The following SPATA7 variants were observed in gnomAD, a reference collection of about 807,000 sequenced individuals.
SPATA7 encodes the protein spermatogenesis associated 7, also known as spermatogenesis-associated protein 7.
SPATA7 carries 43 observed loss-of-function variants against 51.8 expected under a neutral mutation model. The observed-to-expected ratio is 0.83, with a 90% CI of 0.65 to 1.07. The LOEUF (loss-of-function observed/expected upper bound fraction) is 1.07. SPATA7 is among the 50% of genes least tolerant of loss of function. The pLI, the probability that SPATA7 is intolerant of heterozygous loss-of-function variation, is 0.00. For synonymous variants in SPATA7, 230 were observed against 252.8 expected, an observed-to-expected ratio of 0.91 and a Z score of 0.86; for missense variants, 683 against 701.3, an observed-to-expected ratio of 0.97 and a Z score of 0.30.
intron 4 of SPATA7, among the ~76,000 whole-genome samples, chr14:88,412,588 A>T (rs2076373395): frequency 6.6e-6 from 1 of 152,134 alleles, no homozygotes; most frequent in Non-Finnish European, 1.5e-5. Context: ...CACTGACTCA[A>T]ATGTTAATCT....
intron 1 of SPATA7, among the ~76,000 whole-genome samples, chr14:88,391,076 T>C (rs1316490626): frequency 6.6e-6 from 1 of 152,232 alleles, no homozygotes; most frequent in Non-Finnish European, 1.5e-5. Flanking sequence ...ATATATCTTC[T>C]AGACTTTCTA....
chr14:88,448,455 T>G (rs1321400973), intron 3 of SPATA7, among the ~76,000 whole-genome samples: 13 of 152,188 alleles, frequency 8.5e-5, no homozygotes, highest in Non-Finnish European at 1.5e-5. Flanking sequence ...TCGGAGTAAT[T>G]TGATCGTCTG....
chr14:88,417,828 C>T (rs1252060603), intron 5 of SPATA7, among the ~76,000 whole-genome samples: 1 of 152,062 alleles, frequency 6.6e-6, no homozygotes, highest in Non-Finnish European at 1.5e-5. Context: ...TTATGCTATC[C>T]TCATAAAATA....
At chr14:88,404,515 G>A (rs1440911659) in intron 4 of SPATA7, among the ~76,000 whole-genome samples, 8 of 152,106 alleles carry the variant, frequency 5.3e-5, no homozygotes, top group African/African-American at 1.4e-4. Flanking sequence ...TCATGAGTTC[G>A]AGACCAGCCT....
chr14:88,404,867 T>A (rs1313238786), intron 4 of SPATA7, among the ~76,000 whole-genome samples: 2 of 152,222 alleles, frequency 1.3e-5, no homozygotes, highest in East Asian at 3.8e-4. Flanking sequence ...TGCTAGACAT[T>A]GTTCTAAGGG....
At chr14:88,401,737 T>C (rs1323572255) in intron 4 of SPATA7, among the ~76,000 whole-genome samples, 5 of 148,542 alleles carry the variant, frequency 3.4e-5, no homozygotes, top group African/African-American at 1.2e-4. Flanking sequence ...CATTGGAGGC[T>C]GAGGCAGTAG....
chr14:88,458,026 C>T (rs528083945), downstream of SPATA7, among the ~76,000 whole-genome samples: 5,461 of 151,674 alleles, frequency 0.036, 319 homozygotes, highest in African/African-American at 0.13. Flanking sequence ...TGCTGGATTA[C>T]ATTTATTGAT....
rs1277649248 is a variant in SPATA7, at chr14:88,469,776, T to C, written c.255-71T>C. The stretch of plus-strand genomic sequence containing the variant: ...GGTTAAATGACTCGAGATCCGGCAA[T>C]GGATGCCTTTCTCACATAGACGGCA... On this transcript the variant is annotated intron_variant, in intron 4 of 4. Coordinates refer to the SPATA7 transcript ENST00000556406. The surrounding 1 kb of genome is among the most constrained non-coding windows in gnomAD (Gnocchi z 4.3). 9 of 1,606,012 alleles carry C rather than the reference T, an allele frequency of 5.6e-6. No individual in the cohort carries two copies. The highest frequency in any genetic ancestry group is 7.7e-6 in the Non-Finnish European group (9 of 1,172,838).
rs773122236 is a variant in SPATA7, at chr14:88,438,317, A to G, written c.1695A>G (p.Gln565=). Residue 565 remains glutamine (Q), a synonymous_variant, in exon 12 of 12, where the codon CAA becomes CAG. Coordinates refer to ENST00000393545, the MANE Select transcript of SPATA7 (RefSeq NM_018418.5). ...GLCGLNTSPS[Q]SVQFSSVKGD... is the part of the protein sequence containing the mutation. The stretch of plus-strand genomic sequence containing the variant: ...GTGGTCTTAACACATCACCCTCCCA[A>G]TCTGTTCAGTTCTCCAGTGTCAAAG... 7 of 1,614,068 alleles carry G rather than the reference A, an allele frequency of 4.3e-6. No homozygotes were observed. Among genetic ancestry groups the G allele is most frequent in the South Asian group, 1.1e-5 (1 of 91,066 alleles).
chr14:88,407,013 C>T (rs1354583441), intron 4 of SPATA7, among the ~76,000 whole-genome samples: 3 of 151,318 alleles, frequency 2.0e-5, no homozygotes, highest in African/African-American at 7.3e-5. Context: ...AGAAATATAC[C>T]CATTGATGGG....
intron 1 of SPATA7, among the ~76,000 whole-genome samples, chr14:88,387,822 T>C (rs903304940): frequency 6.6e-6 from 1 of 152,064 alleles, no homozygotes; most frequent in African/African-American, 2.4e-5. Context: ...CAGCTTCCTA[T>C]GGGGGAAGGT....
intron 4 of SPATA7, among the ~76,000 whole-genome samples, chr14:88,407,303 G>A (rs554018021): frequency 3.9e-5 from 6 of 152,174 alleles, no homozygotes; most frequent in African/African-American, 1.4e-4. Flanking sequence ...TTTAATGATC[G>A]CTATTCTAAC....
intron 7 of SPATA7, 172 bp downstream of exon 7, chr14:88,427,868 T>C: frequency 1.9e-6 from 1 of 526,390 alleles, no homozygotes; most frequent in Non-Finnish European, 3.5e-6. Context: ...GTTATAGCTC[T>C]CTCTGAATGG....
At position 88,468,867 on chromosome 14, in the gene SPATA7, C is replaced by G. The variant is rs368891554; in HGVS notation, c.255-980C>G. On this transcript the variant is annotated intron_variant, in intron 4 of 4. Transcript: ENST00000556406. ...TTAAGTCACTATGTCCCTCTCTTCC[C>G]CAGCCTCATTTCCACCCAAAAAGGC... 13 of 1,611,756 alleles carry G rather than the reference C, an allele frequency of 8.1e-6. No homozygotes were observed. In the African/African-American group the frequency reaches 1.6e-4, roughly 20 times the overall value.
chr14:88,437,142 A>T (rs568473478), intron 10 of SPATA7, among the ~76,000 whole-genome samples: 52 of 151,712 alleles, frequency 3.4e-4, no homozygotes, highest in African/African-American at 1.2e-3. Flanking sequence ...GGAATTTTTA[A>T]AAGTATAATT....
chr14:88,463,039 T>G (rs530959067), intron 4 of SPATA7, among the ~76,000 whole-genome samples: 53 of 152,208 alleles, frequency 3.5e-4, no homozygotes, highest in Non-Finnish European at 5.7e-4. Context: ...TCAACATTTT[T>G]GGAAATATGA....
intron 4 of SPATA7, chr14:88,416,409 C>CTTTTTT (rs536916579): frequency 2.5e-5 from 3 of 120,712 alleles, no homozygotes; most frequent in African/African-American, 7.8e-5. Context: ...TGTTGGCATT[C>CTTTTTT]TTTTTTTTTT....
At chr14:88,429,882 T>C (rs565973434) in intron 8 of SPATA7, among the ~76,000 whole-genome samples, 2 of 123,736 alleles carry the variant, frequency 1.6e-5, no homozygotes, top group African/African-American at 2.8e-5. Context: ...CTGTGCTATA[T>C]GAAGACACTA....
downstream of SPATA7, among the ~76,000 whole-genome samples, chr14:88,457,658 C>T (rs1044524021): frequency 2.6e-5 from 4 of 152,172 alleles, no homozygotes; most frequent in Admixed American, 6.5e-5. Flanking sequence ...AATATACAAT[C>T]ATGTCATCTG....
Sources: allele counts gnomAD v4.1 joint callset (sites outside exome capture counted in the v4.1 genomes callset), GRCh38; gene constraint gnomAD v4.1.1; non-coding constraint Gnocchi (gnomAD v3.1); transcripts MANE v1.5; gene names NCBI Gene and HGNC (gene_info 2026-07-23, HGNC 2026-07-21).